The following LRRK1 variants were observed in gnomAD, a reference collection of about 807,000 sequenced individuals.
The protein encoded by LRRK1 is leucine-rich repeat serine/threonine-protein kinase 1.
In LRRK1, 113 loss-of-function variants were observed where a neutral mutation model predicts 209.1. The observed-to-expected ratio is 0.54, with a 90% confidence interval of 0.46 to 0.63. The LOEUF (loss-of-function observed/expected upper bound fraction) is 0.63, where lower values mean the gene tolerates loss of function less well. Ranked by LOEUF, LRRK1 falls within the 30% of genes least tolerant of loss-of-function variation. The probability of loss-of-function intolerance (pLI) is 0.00; values close to 1 mark genes in which losing one functional copy is unlikely to be tolerated. For missense variants in LRRK1, 2,284 were observed against 2,632.2 expected, an observed-to-expected ratio of 0.87 and a Z score of 2.89; for synonymous variants, 1,144 against 1,099.7, an observed-to-expected ratio of 1.04 and a Z score of -0.80.
chr15:101,031,195 T>C (rs1400116951), intron 20 of LRRK1, among the ~76,000 whole-genome samples: 1 of 152,204 alleles, frequency 6.6e-6, no homozygotes, highest in Non-Finnish European at 1.5e-5. Context: ...TGCATACAAC[T>C]GTGCAAGCAG....
At chr15:101,023,598 T>C (rs1230359112) in intron 15 of LRRK1, among the ~76,000 whole-genome samples, 2 of 152,232 alleles carry the variant, frequency 1.3e-5, no homozygotes, top group Non-Finnish European at 2.9e-5. Context: ...GGCAAGAGGC[T>C]GCTTCACTGT....
At chr15:100,974,016 C>T (rs1320427469) in intron 3 of LRRK1, 49 bp downstream of exon 3, 6 of 1,225,124 alleles carry the variant, frequency 4.9e-6, no homozygotes, top group African/African-American at 1.6e-5. Context: ...CCGGGCTGGA[C>T]GAAGGGGACC....
chr15:101,052,861 G>T (rs2035542693), intron 24 of LRRK1, 61 bp from the exon 25 acceptor site: 7 of 1,564,326 alleles, frequency 4.5e-6, no homozygotes, highest in Non-Finnish European at 4.4e-6. Flanking sequence ...AAATGACCCA[G>T]CCCAGGACCC....
chr15:100,964,881 A>G (rs1281298988), intron 2 of LRRK1, among the ~76,000 whole-genome samples: 4 of 152,002 alleles, frequency 2.6e-5, no homozygotes, highest in African/African-American at 7.3e-5. Flanking sequence ...CATTTTCTCT[A>G]TTTTCCTAGA....
Position 101,027,890 on chromosome 15 carries a change from G to T in LRRK1, c.2686+93G>T. The T allele has an allele frequency of 8.5e-7, 1 of 1,171,988 alleles. No individual in the cohort carries two copies. Among genetic ancestry groups the T allele is most frequent in the South Asian group, 1.6e-5 (1 of 63,250 alleles). 72.6% of individuals were successfully genotyped at this position (1,171,988 alleles called of 1,614,324 possible). A position where few individuals can be genotyped will look rare whatever the true frequency, so the allele number is the denominator to read the frequency against. ...AGCTTGGCCTCAGTAATGAATGAGA[G>T]ACCGACACCCAGCCTGCGTTTCTGC... On this transcript the variant is annotated intron_variant, in intron 19 of 33. Transcript: ENST00000388948. The surrounding 1 kb of genome is among the most constrained non-coding windows in gnomAD (Gnocchi z 5.1).
At chr15:101,049,922 G>A in intron 23 of LRRK1, 139 bp downstream of exon 23, 1 of 917,812 alleles carries the variant, frequency 1.1e-6, no homozygotes, top group Non-Finnish European at 1.6e-6. Context: ...ACAGCACTTT[G>A]GTGGGAGTCC....
chr15:101,008,138 A>G (rs1394592865), intron 6 of LRRK1, among the ~76,000 whole-genome samples: 12 of 72,530 alleles, frequency 1.7e-4, no homozygotes, highest in South Asian at 7.9e-4. Context: ...GCGAGACTCC[A>G]TCTCAAAAAA....
intron 11 of LRRK1, among the ~76,000 whole-genome samples, chr15:101,014,771 ATTTTAACTTAGTTACCTCC>A (rs1337707753): frequency 6.6e-6 from 1 of 152,154 alleles, no homozygotes; most frequent in Non-Finnish European, 1.5e-5. Flanking sequence ...TAATGACCTC[ATTTTAACTTAGTTACCTCC>A]TTAACAGCCC....
intron 20 of LRRK1, among the ~76,000 whole-genome samples, chr15:101,042,068 T>A (rs1348126299): frequency 6.6e-6 from 1 of 152,246 alleles, no homozygotes; most frequent in Non-Finnish European, 1.5e-5. Flanking sequence ...TTTGAATAAT[T>A]AAACAATCAA....
chr15:100,989,442 G>A lies in LRRK1; in HGVS notation c.762+44G>A, dbSNP rs1355551432. On this transcript the variant is annotated intron_variant, in intron 6 of 33. Coordinates refer to ENST00000388948, the MANE Select transcript of LRRK1 (RefSeq NM_024652.6). ...TGGAGTGTGTTTTAGTTCCTTTTGT[G>A]CTGCTGTAACAGAATCCTGCAGACT... 3.7e-6 allele frequency: 6 copies of A among 1,601,150 alleles called. No individual in the cohort carries two copies. In the South Asian group the frequency reaches 5.5e-5, roughly 15 times the overall value.
Position 101,070,182 on chromosome 15 carries a change from G to A in LRRK1, c.*1334G>A, listed in dbSNP as rs955632406. 1 of 152,176 alleles carries A rather than the reference G, an allele frequency of 6.6e-6. No individual in the cohort carries two copies. Among genetic ancestry groups the A allele is most frequent in the Non-Finnish European group, 1.5e-5 (1 of 68,066 alleles). 9.4% of individuals were successfully genotyped at this position (152,176 alleles called of 1,614,324 possible). A position where few individuals can be genotyped will look rare whatever the true frequency, so the allele number is the denominator to read the frequency against. ...TCAGTCCCTCCCAGACCCACTCGCT[G>A]TCTGGGGATAATGGGCAGCCCCTCC... On this transcript the variant is annotated 3_prime_UTR_variant, in exon 34 of 34. Transcript: ENST00000388948.
At chr15:100,963,350 C>A (rs1016398384) in intron 2 of LRRK1, among the ~76,000 whole-genome samples, 1 of 152,198 alleles carries the variant, frequency 6.6e-6, no homozygotes, top group Non-Finnish European at 1.5e-5. Context: ...CTCTGTGGGC[C>A]CCAGCGTCAG....
At chr15:101,008,762 C>G (rs1213770070) in intron 6 of LRRK1, 75 bp from the exon 7 acceptor site, 16 of 1,152,838 alleles carry the variant, frequency 1.4e-5, no homozygotes, top group South Asian at 3.8e-5. Context: ...TTGCATTAAC[C>G]CTTGCTTTAT....
intron 6 of LRRK1, among the ~76,000 whole-genome samples, chr15:100,990,163 C>T (rs560066483): frequency 1.0e-3 from 157 of 152,126 alleles, no homozygotes; most frequent in Non-Finnish European, 1.8e-3. Context: ...AATATTATTG[C>T]GTTATTTACA....
intron 31 of LRRK1, chr15:101,064,860 T>C (rs1319861865): frequency 2.4e-5 from 4 of 163,892 alleles, no homozygotes; most frequent in South Asian, 1.6e-4. Flanking sequence ...CCCATCCTTA[T>C]GGAACACTCT....
chr15:100,952,879 A>T (rs1596191183), intron 2 of LRRK1, among the ~76,000 whole-genome samples: 1 of 152,260 alleles, frequency 6.6e-6, no homozygotes, highest in East Asian at 1.9e-4. Flanking sequence ...TGCTTTAAGC[A>T]AGATCTTTTA....
chr15:101,027,864 C>T lies in LRRK1; in HGVS notation c.2686+67C>T, dbSNP rs1596295395. On this transcript the variant is annotated intron_variant, in intron 19 of 33. Coordinates refer to ENST00000388948, the MANE Select transcript of LRRK1 (RefSeq NM_024652.6). This position sits in a 1 kb window ranked among gnomAD's most constrained non-coding sequence, Gnocchi z 5.1. Reference sequence around the variant, plus strand: ...TGGAACTGTCTGTACTTGCTAACTTCAGCTTGGCCTCAGTAATGAATGAGA... The same window carrying T: ...TGGAACTGTCTGTACTTGCTAACTTTAGCTTGGCCTCAGTAATGAATGAGA... The T allele has an allele frequency of 7.0e-7, 1 of 1,423,472 alleles. No homozygotes were observed. The highest frequency in any genetic ancestry group is 2.5e-5 in the East Asian group (1 of 39,604). 88.2% of individuals were successfully genotyped at this position (1,423,472 alleles called of 1,614,324 possible). A position where few individuals can be genotyped will look rare whatever the true frequency, so the allele number is the denominator to read the frequency against.
At chr15:101,049,623 C>T (rs753974688) in intron 22 of LRRK1, 21 bp from the exon 23 acceptor site, 1 of 1,611,678 alleles carries the variant, frequency 6.2e-7, no homozygotes, top group Non-Finnish European at 8.5e-7. Context: ...CAATGGGCTC[C>T]TTTTGGTCTC....
chr15:100,988,455 A>G, intron 4 of LRRK1, 179 bp from the exon 5 acceptor site: 2 of 668,462 alleles, frequency 3.0e-6, no homozygotes, highest in Middle Eastern at 2.8e-4. Context: ...AGCTCCATCC[A>G]TGATGCTGCA....
Sources: allele counts gnomAD v4.1 joint callset (sites outside exome capture counted in the v4.1 genomes callset), GRCh38; gene constraint gnomAD v4.1.1; non-coding constraint Gnocchi (gnomAD v3.1); transcripts MANE v1.5; gene names NCBI Gene and HGNC (gene_info 2026-07-23, HGNC 2026-07-21).